The following AK5 variants were observed in gnomAD, a reference collection of about 807,000 sequenced individuals.
AK5 encodes adenylate kinase 5.
AK5 carries 27 observed loss-of-function variants against 69.5 expected under a neutral mutation model. The ratio of observed to expected loss-of-function variants is 0.39; its 90% CI spans 0.29 to 0.54. The LOEUF (loss-of-function observed/expected upper bound fraction) is 0.54. Ranked by LOEUF, AK5 falls within the 20% of genes least tolerant of loss-of-function variation. AK5 has a pLI of 0.71. For missense variants in AK5, 531 were observed against 700.4 expected (o/e 0.76, Z 2.73); for synonymous variants, 260 against 244.4 (o/e 1.06, Z -0.60).
At chr1:77,392,076 A>G (rs1438829065) in intron 6 of AK5, among the ~76,000 whole-genome samples, 1 of 152,248 alleles carries the variant, frequency 6.6e-6, no homozygotes, top group East Asian at 1.9e-4. Flanking sequence ...TGAAACATCC[A>G]GAAGATTCTC....
chr1:77,430,775 A>C (rs1378777007), intron 8 of AK5, among the ~76,000 whole-genome samples: 1 of 152,192 alleles, frequency 6.6e-6, no homozygotes, highest in East Asian at 1.9e-4. Flanking sequence ...GGAGGCAGGG[A>C]GTGCCAAATG....
chr1:77,494,099 A>C (rs576965917), intron 10 of AK5, among the ~76,000 whole-genome samples: 4 of 152,342 alleles, frequency 2.6e-5, no homozygotes, highest in Non-Finnish European at 4.4e-5. Flanking sequence ...ATTACTGCTA[A>C]ACAGAAAAGA....
At chr1:77,316,161 T>G (rs917791911) in intron 5 of AK5, among the ~76,000 whole-genome samples, 1 of 152,130 alleles carries the variant, frequency 6.6e-6, no homozygotes, top group African/African-American at 2.4e-5. Context: ...CTTACTCAGT[T>G]GCATTCCTTC....
chr1:77,494,819 T>C (rs1656212546), intron 10 of AK5, among the ~76,000 whole-genome samples: 1 of 151,886 alleles, frequency 6.6e-6, no homozygotes, highest in Admixed American at 6.6e-5. Flanking sequence ...TCTTGCTCTG[T>C]TGCCCAGGCT....
chr1:77,508,557 A>C (rs1240224158), intron 10 of AK5, among the ~76,000 whole-genome samples: 3 of 152,164 alleles, frequency 2.0e-5, no homozygotes, highest in Non-Finnish European at 4.4e-5. Context: ...AGTCCCTTGG[A>C]ACTCTTAACT....
Position 77,287,071 on chromosome 1 carries a change from AG to A in AK5, c.192del (p.Lys65ArgfsTer6). 6.2e-7 allele frequency: 1 copy of A among 1,609,384 alleles called. No homozygotes were observed. Among genetic ancestry groups the A allele is most frequent in the Non-Finnish European group, 8.5e-7 (1 of 1,177,600 alleles). ...VKWDTFVSQE[K>X]KTLPPLNGGQ... The stretch of plus-strand genomic sequence containing the variant: ...TGGGATACATTTGTAAGCCAGGAAA[AG>A]AAGACCTTACCTCCACTAAATGGAG... On this transcript the variant is annotated frameshift_variant, in exon 2 of 14. Coordinates refer to ENST00000354567, the MANE Select transcript of AK5 (RefSeq NM_174858.3). LOFTEE classifies it high-confidence loss of function.
At chr1:77,517,669 C>A (rs1031918380) in intron 10 of AK5, among the ~76,000 whole-genome samples, 1 of 152,014 alleles carries the variant, frequency 6.6e-6, no homozygotes, top group African/African-American at 2.4e-5. Context: ...AGGGATATGG[C>A]AGATACTCAG....
intron 8 of AK5, among the ~76,000 whole-genome samples, chr1:77,458,508 A>C (rs1374564345): frequency 6.6e-6 from 1 of 152,360 alleles, no homozygotes; most frequent in East Asian, 1.9e-4. Context: ...CAAAGGAAAG[A>C]GGTTTAATGG....
At chr1:77,393,408 G>T (rs905157364) in intron 6 of AK5, among the ~76,000 whole-genome samples, 1 of 152,126 alleles carries the variant, frequency 6.6e-6, no homozygotes, top group African/African-American at 2.4e-5. Context: ...GGCACAGATT[G>T]GGACAATTTG....
At chr1:77,543,837 T>C (rs1029179990) in intron 13 of AK5, among the ~76,000 whole-genome samples, 11 of 152,178 alleles carry the variant, frequency 7.2e-5, no homozygotes, top group African/African-American at 2.7e-4. Flanking sequence ...ATGGAGGGAA[T>C]ATTTTCCATC....
In AK5 at chr1:77,312,429, A is replaced by G. The variant is rs182985509; in HGVS notation, c.699+14482A>G. ...CAGGAGTTCAAGACCAGGCTGGCCA[A>G]TATGGCAAAACCCTGTCTCTACTAA... On this transcript the variant is annotated intron_variant, in intron 5 of 13. Transcript: ENST00000354567. 8.9e-3 allele frequency among the ~76,000 whole-genome samples: 1,362 copies of G among 152,226 alleles called. 11 individuals carry two copies. Among genetic ancestry groups the G allele is most frequent in the Non-Finnish European group, 0.015 (990 of 68,022 alleles).
intron 8 of AK5, among the ~76,000 whole-genome samples, chr1:77,427,403 C>T (rs931794560): frequency 6.6e-6 from 1 of 151,884 alleles, no homozygotes; most frequent in South Asian, 2.1e-4. Context: ...TGAAATGGAC[C>T]AATTCTTTGA....
intron 8 of AK5, among the ~76,000 whole-genome samples, chr1:77,462,019 T>C (rs1384654233): frequency 6.6e-6 from 1 of 152,216 alleles, no homozygotes; most frequent in African/African-American, 2.4e-5. Context: ...AGGAACATTA[T>C]TTGAAGAATG....
At chr1:77,436,231 G>A (rs1361174316) in intron 8 of AK5, among the ~76,000 whole-genome samples, 3 of 151,696 alleles carry the variant, frequency 2.0e-5, no homozygotes, top group African/African-American at 7.3e-5. Context: ...CTCTAAATTA[G>A]ACAAATTTTT....
intron 6 of AK5, among the ~76,000 whole-genome samples, chr1:77,365,096 G>C (rs1288932413): frequency 6.6e-6 from 1 of 151,888 alleles, no homozygotes; most frequent in East Asian, 1.9e-4. Flanking sequence ...ATTGTATTTT[G>C]TTTTGCATTT....
intron 5 of AK5, among the ~76,000 whole-genome samples, chr1:77,325,459 T>G (rs1660753127): frequency 6.6e-6 from 1 of 152,094 alleles, no homozygotes; most frequent in Non-Finnish European, 1.5e-5. Context: ...ATGTAACTCC[T>G]TATTTTCTTC....
At chr1:77,305,587 G>T (rs1259346476) in intron 5 of AK5, among the ~76,000 whole-genome samples, 1 of 151,946 alleles carries the variant, frequency 6.6e-6, no homozygotes, top group African/African-American at 2.4e-5. Context: ...ATTTATTAAG[G>T]CAGAAAGAGA....
At chr1:77,533,189 T>C (rs1658745082) in intron 12 of AK5, among the ~76,000 whole-genome samples, 1 of 152,062 alleles carries the variant, frequency 6.6e-6, no homozygotes, top group African/African-American at 2.4e-5. Flanking sequence ...CAAACTATGA[T>C]GCTGTGAAGA....
chr1:77,308,262 C>T (rs1354068743), intron 5 of AK5, among the ~76,000 whole-genome samples: 1 of 151,898 alleles, frequency 6.6e-6, no homozygotes, highest in East Asian at 1.9e-4. Context: ...TCTCCCAGTC[C>T]CCAGGCCTGT....
Sources: allele counts gnomAD v4.1 joint callset (sites outside exome capture counted in the v4.1 genomes callset), GRCh38; gene constraint gnomAD v4.1.1; transcripts MANE v1.5; gene names NCBI Gene and HGNC (gene_info 2026-07-23, HGNC 2026-07-21).